Variants in NIPBL observed in about 807,000 individuals in gnomAD.
The protein encoded by NIPBL is nipped-B-like protein.
Under a neutral mutation model 321.8 loss-of-function variants are expected in NIPBL, and 19 were observed. That is an observed-to-expected ratio of 0.06 (90% CI 0.04 to 0.09). The LOEUF (loss-of-function observed/expected upper bound fraction) is 0.09, where lower values mean the gene tolerates loss of function less well. Ranked by LOEUF, NIPBL falls within the 10% of genes least tolerant of loss-of-function variation. The pLI, the probability that NIPBL is intolerant of heterozygous loss-of-function variation, is 1.00. For synonymous variants in NIPBL, 1,106 were observed against 1,114.1 expected (o/e 0.99, Z 0.14); for missense variants, 2,210 against 3,327.0 (o/e 0.66, Z 8.26).
rs1304921470 is a variant in NIPBL at position 36,975,769 on chromosome 5, T to C, written c.869-7T>C. On this transcript the variant is annotated splice_polypyrimidine_tract_variant and splice_region_variant and intron_variant, in intron 8 of 46. Transcript: ENST00000282516. Reference sequence around the variant, plus strand: ...CAACTGTTACTTCTATCGAATTATTTTTCTAGGCTCAAGACCACCTTTAAT... The same window carrying C: ...CAACTGTTACTTCTATCGAATTATTCTTCTAGGCTCAAGACCACCTTTAAT... The C allele has an allele frequency of 6.2e-7, 1 of 1,613,344 alleles. No homozygotes were observed. Among genetic ancestry groups the C allele is most frequent in the East Asian group, 2.2e-5 (1 of 44,856 alleles).
Position 37,062,826 on chromosome 5 carries a change from G to A in NIPBL, c.7861-964G>A, listed in dbSNP as rs1449921601. On this transcript the variant is annotated intron_variant, in intron 45 of 46. Transcript: ENST00000282516. The stretch of plus-strand genomic sequence containing the variant: ...TCCCAACTGCTGGGGAGGCTGAGGT[G>A]GGAGGACCACCTAAGCCTGGGAGGT... 3.3e-5 allele frequency among the ~76,000 whole-genome samples: 5 copies of A among 152,142 alleles called. No homozygotes were observed. In the East Asian group the frequency reaches 9.7e-4, roughly 29 times the overall value.
At chr5:36,952,054 G>GCT (rs1554010197) in intron 1 of NIPBL, among the ~76,000 whole-genome samples, 1 of 36,318 alleles carries the variant, frequency 2.8e-5, no homozygotes, top group Non-Finnish European at 9.2e-5. Flanking sequence ...GTGTGTGTGT[G>GCT]CGCGCGCGCG....
rs1561162655 is a variant in NIPBL at position 37,015,905 on chromosome 5, T to G, written c.4644-133T>G. 2.5e-5 allele frequency: 19 copies of G among 752,622 alleles called. No individual in the cohort carries two copies. The South Asian group carries it at 3.0e-4, about 12-fold the overall frequency. 46.6% of individuals were successfully genotyped at this position (752,622 alleles called of 1,614,324 possible). ...TCATTTTAAACCATATTTTATTTAA[T>G]GTACATTTATATATTTTGTTACTAA... is the stretch of plus-strand genomic sequence containing the variant. On this transcript the variant is annotated intron_variant, in intron 22 of 46. Transcript: ENST00000282516.
chr5:37,048,960 C>T, intron 39 of NIPBL, 151 bp from the exon 40 acceptor site: 5 of 796,726 alleles, frequency 6.3e-6, no homozygotes, highest in Non-Finnish European at 1.1e-5. Flanking sequence ...CACACACACA[C>T]ACACACACAC....
At chr5:36,900,896 T>A (rs942898859) in intron 1 of NIPBL, among the ~76,000 whole-genome samples, 6 of 152,194 alleles carry the variant, frequency 3.9e-5, no homozygotes, top group Non-Finnish European at 5.9e-5. Context: ...ATGCCTTCCT[T>A]GTCTCTTTTA....
chr5:36,991,120 A>G (rs1414887413), intron 10 of NIPBL, among the ~76,000 whole-genome samples: 2 of 152,078 alleles, frequency 1.3e-5, no homozygotes, highest in South Asian at 2.1e-4. Context: ...TGTCTTGCCT[A>G]TAAAAATATT....
intron 27 of NIPBL, among the ~76,000 whole-genome samples, chr5:37,021,205 C>A (rs1001040820): frequency 6.6e-6 from 1 of 151,180 alleles, no homozygotes; most frequent in South Asian, 2.1e-4. Context: ...AGGCTGAGGC[C>A]GGAGAATTGC....
intron 34 of NIPBL, among the ~76,000 whole-genome samples, chr5:37,042,142 A>G (rs181263247): frequency 1.2e-4 from 19 of 152,316 alleles, no homozygotes; most frequent in Non-Finnish European, 2.6e-4. Context: ...ATGCACTCAA[A>G]AAGTCCAAAA....
chr5:37,033,370 A>G (rs1580534430), intron 32 of NIPBL, among the ~76,000 whole-genome samples: 1 of 152,092 alleles, frequency 6.6e-6, no homozygotes, highest in Non-Finnish European at 1.5e-5. Flanking sequence ...TCAAAGATAC[A>G]TTACATAATT....
In NIPBL at chr5:36,957,754, G is replaced by A. The variant is rs959474158; in HGVS notation, c.231-350G>A. On this transcript the variant is annotated intron_variant, in intron 3 of 46. Transcript: ENST00000282516. ...TCCCAGCACTTTGGGAGGCCGAGGC[G>A]GGCAGACCATCTGAGGTCAGGAGTT... Among the ~76,000 whole-genome samples, 10 of 151,998 alleles carry A rather than the reference G, an allele frequency of 6.6e-5. No individual in the cohort carries two copies. The East Asian group carries it at 1.2e-3, about 18-fold the overall frequency.
chr5:37,039,532 A>G (rs1295082728), intron 34 of NIPBL, among the ~76,000 whole-genome samples: 1 of 152,070 alleles, frequency 6.6e-6, no homozygotes, highest in African/African-American at 2.4e-5. Flanking sequence ...TGCTTTATGA[A>G]GTAGGTACTA....
At chr5:37,046,019 T>G (rs1752945857) in intron 37 of NIPBL, 90 bp from the exon 38 acceptor site, 1 of 725,716 alleles carries the variant, frequency 1.4e-6, no homozygotes, top group African/African-American at 1.8e-5. Context: ...ACACAAATTC[T>G]CATTGTTTTA....
intron 32 of NIPBL, among the ~76,000 whole-genome samples, chr5:37,030,843 C>T (rs942126785): frequency 2.6e-5 from 4 of 151,206 alleles, no homozygotes; most frequent in Non-Finnish European, 4.4e-5. Flanking sequence ...TGGCCTCAAC[C>T]TCCCTGGCTC....
At chr5:36,929,948 C>G (rs907307575) in intron 1 of NIPBL, among the ~76,000 whole-genome samples, 1 of 151,926 alleles carries the variant, frequency 6.6e-6, no homozygotes, top group East Asian at 1.9e-4. Flanking sequence ...GTATACCTGT[C>G]CTTATATTAA....
intron 45 of NIPBL, among the ~76,000 whole-genome samples, chr5:37,063,195 A>T (rs1038321570): frequency 8.5e-5 from 13 of 152,338 alleles, no homozygotes; most frequent in South Asian, 4.1e-4. Flanking sequence ...AAAAATTTTT[A>T]AAAATCTACT....
intron 1 of NIPBL, among the ~76,000 whole-genome samples, chr5:36,882,296 C>T (rs993234461): frequency 4.0e-5 from 6 of 151,706 alleles, no homozygotes; most frequent in Non-Finnish European, 7.4e-5. Context: ...ATGTTGAGTG[C>T]TTTATGTTTG....
At chr5:36,940,080 C>T (rs545425969) in intron 1 of NIPBL, among the ~76,000 whole-genome samples, 3 of 152,202 alleles carry the variant, frequency 2.0e-5, no homozygotes, top group Non-Finnish European at 4.4e-5. Context: ...TAGATTTTTC[C>T]TTTAAAGTTT....
intron 4 of NIPBL, among the ~76,000 whole-genome samples, chr5:36,959,998 A>C (rs1741427159): frequency 6.6e-6 from 1 of 152,042 alleles, no homozygotes; most frequent in Non-Finnish European, 1.5e-5. Context: ...TTGGGAGGCC[A>C]AGGTAGGAGG....
intron 1 of NIPBL, among the ~76,000 whole-genome samples, chr5:36,900,260 T>G (rs1306703496): frequency 6.6e-6 from 1 of 152,200 alleles, no homozygotes; most frequent in African/African-American, 2.4e-5. Context: ...CTATGTAGCA[T>G]TTACATTGTA....
Sources: gnomAD v4.1 joint callset for allele counts (sites outside exome capture counted in the v4.1 genomes callset) on GRCh38, gnomAD v4.1.1 for gene constraint, MANE v1.5 for transcripts, NCBI Gene and HGNC (gene_info 2026-07-23, HGNC 2026-07-21) for gene names.